ERBB4: variants seen among roughly 807,000 people sequenced by gnomAD.
ERBB4 encodes receptor tyrosine-protein kinase erbB-4.
In ERBB4, 42 loss-of-function variants were observed where a neutral mutation model predicts 158.0. The ratio of observed to expected loss-of-function variants is 0.27; its 90% confidence interval spans 0.21 to 0.34. The LOEUF is 0.34. Among genes scored for constraint, ERBB4 ranks in the 10% least tolerant of loss-of-function variants. The pLI is 1.00. For missense variants in ERBB4, 1,333 were observed against 1,624.1 expected (o/e 0.82, Z 3.08); for synonymous variants, 583 against 558.7 (o/e 1.04, Z -0.61).
intron 16 of ERBB4, among the ~76,000 whole-genome samples, chr2:211,645,635 C>T (rs2070757898): frequency 6.6e-6 from 1 of 151,520 alleles, no homozygotes; most frequent in Admixed American, 6.6e-5. Flanking sequence ...GAAGAAATTT[C>T]TAAGTTATTC....
intron 2 of ERBB4, among the ~76,000 whole-genome samples, chr2:212,066,491 T>C (rs2077951632): frequency 6.6e-6 from 1 of 152,012 alleles, no homozygotes; most frequent in Non-Finnish European, 1.5e-5. Context: ...ATTGTCAAAG[T>C]AAGAAATGAT....
At chr2:212,112,437 TTTTTA>T (rs1392929155) in intron 2 of ERBB4, among the ~76,000 whole-genome samples, 2 of 151,878 alleles carry the variant, frequency 1.3e-5, no homozygotes, top group Non-Finnish European at 2.9e-5. Flanking sequence ...AGTTCCGAAA[TTTTTA>T]TTTTATTTTT....
At chr2:212,271,223 C>G (rs1023810645) in intron 1 of ERBB4, among the ~76,000 whole-genome samples, 8 of 151,528 alleles carry the variant, frequency 5.3e-5, no homozygotes, top group African/African-American at 1.2e-4. Context: ...TAATGCCTGA[C>G]AAAACAAGTA....
At chr2:211,467,711 AAAC>A (rs1203837414) in intron 20 of ERBB4, among the ~76,000 whole-genome samples, 1 of 152,162 alleles carries the variant, frequency 6.6e-6, no homozygotes, top group African/African-American at 2.4e-5. Flanking sequence ...TTTAAGTGAC[AAAC>A]AACAGCAGAG....
intron 3 of ERBB4, among the ~76,000 whole-genome samples, chr2:211,892,092 G>C (rs1271356096): frequency 1.8e-5 from 2 of 112,212 alleles, no homozygotes; most frequent in East Asian, 4.4e-4. Flanking sequence ...AAGCCGGGCA[G>C]AGACACAACC....
rs72949534 is a variant in ERBB4 at position 212,334,755 on chromosome 2, C to G, written c.82+203694G>C. Among the ~76,000 whole-genome samples the G allele has an allele frequency of 8.7e-3, 1,324 of 151,950 alleles. 21 individuals carry two copies. Among genetic ancestry groups the G allele is most frequent in the African/African-American group, 0.03 (1,249 of 41,514 alleles). On this transcript the variant is annotated intron_variant, in intron 1 of 27. Transcript: ENST00000342788. ...CTCAAGATTCATATTTATTAAAAAT[C>G]TGATGCCAATGAATTTAGATAATTT...
chr2:211,875,044 A>AAAAAAAAAAAC (rs2078460408), intron 3 of ERBB4, among the ~76,000 whole-genome samples: 1 of 113,968 alleles, frequency 8.8e-6, no homozygotes, highest in African/African-American at 2.7e-5. Flanking sequence ...AAAAAAAAAA[A>AAAAAAAAAAAC]AAAAAACAAA....
At chr2:212,140,355 T>C (rs1393559186) in intron 1 of ERBB4, among the ~76,000 whole-genome samples, 4 of 147,502 alleles carry the variant, frequency 2.7e-5, no homozygotes, top group African/African-American at 7.5e-5. Context: ...ATGAGACATA[T>C]AATATATATA....
At chr2:212,424,746 G>A (rs1256739292) in intron 1 of ERBB4, among the ~76,000 whole-genome samples, 2 of 151,854 alleles carry the variant, frequency 1.3e-5, no homozygotes, top group Non-Finnish European at 2.9e-5. Flanking sequence ...TGTTTTTGGT[G>A]TAGAAGGGGA....
intron 2 of ERBB4, among the ~76,000 whole-genome samples, chr2:212,107,674 A>C (rs2079272907): frequency 2.0e-5 from 3 of 152,154 alleles, no homozygotes; most frequent in Admixed American, 2.0e-4. Context: ...CTGTGTCCCC[A>C]CCCAAATCTC....
chr2:212,162,794 G>A (rs1441370401), intron 1 of ERBB4, among the ~76,000 whole-genome samples: 1 of 151,930 alleles, frequency 6.6e-6, no homozygotes, highest in Non-Finnish European at 1.5e-5. Context: ...GCTCTGTTTA[G>A]TAAGTTTCAC....
chr2:211,580,864 TACA>T (rs1251224925), intron 19 of ERBB4, among the ~76,000 whole-genome samples: 3,276 of 9,616 alleles, frequency 0.34, 619 homozygotes, highest in East Asian at 0.56. Flanking sequence ...AGTATGCATA[TACA>T]TATATATATA....
At chr2:212,134,898 G>T (rs2080224591) in intron 1 of ERBB4, among the ~76,000 whole-genome samples, 1 of 151,930 alleles carries the variant, frequency 6.6e-6, no homozygotes, top group Non-Finnish European at 1.5e-5. Context: ...GTGTCAGCTA[G>T]GATGGTCTCG....
intron 1 of ERBB4, among the ~76,000 whole-genome samples, chr2:212,346,058 A>T (rs1218560663): frequency 6.6e-6 from 1 of 152,176 alleles, no homozygotes; most frequent in Admixed American, 6.5e-5. Flanking sequence ...ATAATCAGTA[A>T]GCTTTTTGCT....
chr2:211,492,074 A>C (rs2125573090), intron 20 of ERBB4, among the ~76,000 whole-genome samples: 2 of 151,998 alleles, frequency 1.3e-5, no homozygotes, highest in Middle Eastern at 3.4e-3. Context: ...CCTTAAGAAA[A>C]AAAAAAAGAA....
At chr2:211,460,757 T>TA (rs142170964) in intron 20 of ERBB4, among the ~76,000 whole-genome samples, 2,497 of 151,126 alleles carry the variant, frequency 0.017, 74 homozygotes, top group African/African-American at 0.057. Context: ...TTTCCTGCAT[T>TA]AAAAAAAAAT....
intron 1 of ERBB4, among the ~76,000 whole-genome samples, chr2:212,280,528 G>A (rs527827917): frequency 6.6e-6 from 1 of 151,676 alleles, no homozygotes; most frequent in Non-Finnish European, 1.5e-5. Flanking sequence ...TACAAATTAA[G>A]CCAAATTTGG....
chr2:211,888,387 T>C (rs2078861549), intron 3 of ERBB4, among the ~76,000 whole-genome samples: 1 of 152,236 alleles, frequency 6.6e-6, no homozygotes, highest in Non-Finnish European at 1.5e-5. Context: ...CATTTCCACT[T>C]ATGATTATAT....
At chr2:211,704,400 T>C (rs1054086077) in intron 10 of ERBB4, among the ~76,000 whole-genome samples, 2 of 152,218 alleles carry the variant, frequency 1.3e-5, no homozygotes, top group Non-Finnish European at 2.9e-5. Flanking sequence ...GTTGAAACGT[T>C]TCAATGACTC....
Sources: allele counts gnomAD v4.1 joint callset (sites outside exome capture counted in the v4.1 genomes callset), GRCh38; gene constraint gnomAD v4.1.1; transcripts MANE v1.5; gene names NCBI Gene and HGNC (gene_info 2026-07-23, HGNC 2026-07-21).